CTPS2: variants seen among roughly 807,000 people sequenced by gnomAD.
CTPS2 encodes the protein CTP synthase 2, also known as CTP synthase II.
CTPS2 carries 19 observed loss-of-function variants against 46.8 expected under a neutral mutation model. The ratio of observed to expected loss-of-function variants is 0.41; its 90% CI spans 0.28 to 0.60. The LOEUF (loss-of-function observed/expected upper bound fraction) is 0.60, where lower values mean the gene tolerates loss of function less well. Among genes scored for constraint, CTPS2 ranks in the 20% least tolerant of loss-of-function variants. The pLI, the probability that CTPS2 is intolerant of heterozygous loss-of-function variation, is 0.35. For synonymous variants in CTPS2, 151 were observed against 165.2 expected (o/e 0.91, Z 0.66); for missense variants, 286 against 447.6 (o/e 0.64, Z 3.26).
chrX:16,678,421 G>T lies in CTPS2; in HGVS notation c.1035C>A (p.Ile345=), dbSNP rs1160657905. Residue 345 remains isoleucine, a synonymous_variant, in exon 10 of 19, where the codon ATC becomes ATA. Coordinates refer to ENST00000359276, the MANE Select transcript of CTPS2 (RefSeq NM_175859.3). ...ATTTCACAGGGTCCTCGGTTTCAGT[G>T]ATCTTCTCCAGATCAATGGAGTCTA... The part of the protein sequence containing the change: ...MYIDSIDLEK[I]TETEDPVKFH... 1.7e-6 allele frequency: 2 copies of T among 1,199,583 alleles called. No homozygotes were observed. The highest frequency in any genetic ancestry group is 2.3e-6 in the Non-Finnish European group (2 of 887,228).
chrX:16,637,473 C>A (rs185821543), intron 14 of CTPS2, among the ~76,000 whole-genome samples: 4 of 112,573 alleles, frequency 3.6e-5, no homozygotes, highest in East Asian at 2.8e-4. Context: ...CCGGCCACAG[C>A]CTCCCAAAGT....
rs759542755 is a variant in CTPS2, at chrX:16,663,933, T to C, written c.1296+3581A>G. Among the ~76,000 whole-genome samples the C allele has an allele frequency of 5.8e-3, 640 of 111,129 alleles. 4 individuals carry two copies. The highest frequency in any genetic ancestry group is 0.02 in the African/African-American group (607 of 30,568). ...TCACTGGAAGCTCTGCCTCCTGGGT[T>C]CACGCCATTCTCCTGCCTCAGCCTC... On this transcript the variant is annotated intron_variant, in intron 13 of 18. Transcript: ENST00000359276.
At chrX:16,649,618 A>G (rs1932501783) in intron 13 of CTPS2, among the ~76,000 whole-genome samples, 1 of 111,229 alleles carries the variant, frequency 9.0e-6, no homozygotes, top group African/African-American at 3.3e-5. Flanking sequence ...CAGCCTCTAC[A>G]GTAGCTGGGA....
At chrX:16,706,451 C>T (rs1203919473) in intron 1 of CTPS2, among the ~76,000 whole-genome samples, 5 of 110,447 alleles carry the variant, frequency 4.5e-5, no homozygotes, top group Admixed American at 2.9e-4. Flanking sequence ...TGGCCAGGTG[C>T]AATGGCTCAT....
rs927090020 is a variant in CTPS2 at position 16,621,460 on chromosome X, T to C, written c.1394-1128A>G. Among the ~76,000 whole-genome samples the C allele has an allele frequency of 4.5e-4, 48 of 106,705 alleles. 1 individual carries two copies. The highest frequency in any genetic ancestry group is 5.8e-5 in the Non-Finnish European group (3 of 51,968). 92.7% of individuals were successfully genotyped at this position (106,705 alleles called of 115,157 possible). A position where few individuals can be genotyped will look rare whatever the true frequency, so the allele number is the denominator to read the frequency against. ...AGAACTTAAAGTATAATAATAATAATAATAATAATAATAATAAAAAGAATG... is the reference window on the plus strand; with the variant it reads ...AGAACTTAAAGTATAATAATAATAACAATAATAATAATAATAAAAAGAATG... On this transcript the variant is annotated intron_variant, in intron 14 of 18. Transcript: ENST00000359276.
At position 16,702,744 on chromosome X, in the gene CTPS2, A is replaced by G; in HGVS notation, c.159T>C (p.Tyr53=). 1 of 1,210,668 alleles carries G rather than the reference A, an allele frequency of 8.3e-7. No homozygotes were observed. The highest frequency in any genetic ancestry group is 1.1e-6 in the Non-Finnish European group (1 of 894,501). ...INIDAGTFSP[Y]EHGEVFVLND... Reference sequence around the variant, plus strand: ...AGTGGTTCACTTTCGTACCGTGTTCATAAGGTGAAAAAGTGCCAGCATCGA... The same window carrying G: ...AGTGGTTCACTTTCGTACCGTGTTCGTAAGGTGAAAAAGTGCCAGCATCGA... Residue 53 remains tyrosine, a synonymous_variant, in exon 2 of 19, where the codon TAT becomes TAC. Coordinates refer to ENST00000359276, the MANE Select transcript of CTPS2 (RefSeq NM_175859.3).
intron 1 of CTPS2, among the ~76,000 whole-genome samples, chrX:16,709,502 T>C (rs758175358): frequency 3.3e-4 from 37 of 110,762 alleles, no homozygotes; most frequent in Non-Finnish European, 6.8e-4. Context: ...ATTGAATATA[T>C]TATTGACTAT....
At chrX:16,608,792 T>C (rs1335723307) in intron 17 of CTPS2, among the ~76,000 whole-genome samples, 1 of 111,412 alleles carries the variant, frequency 9.0e-6, no homozygotes, top group Non-Finnish European at 1.9e-5. Flanking sequence ...AAAGTCAAAT[T>C]ACTCAACTCG....
At chrX:16,682,309 A>G (rs1922810686) in intron 9 of CTPS2, among the ~76,000 whole-genome samples, 1 of 111,399 alleles carries the variant, frequency 9.0e-6, no homozygotes, top group Non-Finnish European at 1.9e-5. Context: ...ACGTGGTGAA[A>G]CCCCGTCTCT....
At chrX:16,657,839 T>C (rs1248471160) in intron 13 of CTPS2, among the ~76,000 whole-genome samples, 3 of 111,576 alleles carry the variant, frequency 2.7e-5, no homozygotes, top group African/African-American at 9.8e-5. Context: ...AGAAAATAAG[T>C]GTGGAAGTTT....
At chrX:16,651,041 G>A (rs1259653281) in intron 13 of CTPS2, 1 of 1,205,933 alleles carries the variant, frequency 8.3e-7, no homozygotes. Flanking sequence ...GAACTGAAGA[G>A]GATTTTTGAA....
chrX:16,613,254 T>A (rs1191347670), intron 16 of CTPS2, among the ~76,000 whole-genome samples: 2 of 112,145 alleles, frequency 1.8e-5, no homozygotes, highest in Middle Eastern at 4.6e-3. Flanking sequence ...TTTTACAGTA[T>A]CCTGCACACC....
chrX:16,689,373 C>T, intron 8 of CTPS2, 77 bp downstream of exon 8: 1 of 1,036,633 alleles, frequency 9.6e-7, no homozygotes. Flanking sequence ...CACACGCTTA[C>T]CCTTTCAAGT....
intron 3 of CTPS2, 28 bp from the exon 4 acceptor site, chrX:16,698,364 T>C: frequency 9.8e-7 from 1 of 1,024,902 alleles, no homozygotes. Flanking sequence ...AATACAAAAG[T>C]TTATTCCATG....
intron 1 of CTPS2, among the ~76,000 whole-genome samples, chrX:16,704,200 A>G (rs111734106): frequency 2.7e-5 from 3 of 111,642 alleles, no homozygotes; most frequent in African/African-American, 9.8e-5. Flanking sequence ...GGCCTCCCCA[A>G]GTGCTGGGAT....
intron 4 of CTPS2, among the ~76,000 whole-genome samples, chrX:16,697,646 G>C (rs1924227264): frequency 9.2e-6 from 1 of 108,732 alleles, no homozygotes; most frequent in African/African-American, 3.3e-5. Flanking sequence ...TTTTCGCCAT[G>C]TTGCCCAGGC....
intron 10 of CTPS2, among the ~76,000 whole-genome samples, chrX:16,676,977 T>C (rs1172863793): frequency 9.3e-6 from 1 of 107,275 alleles, no homozygotes; most frequent in African/African-American, 3.4e-5. Context: ...AAGAATTGCT[T>C]GAACCTGGGA....
At chrX:16,710,225 A>T in intron 1 of CTPS2, among the ~76,000 whole-genome samples, 1 of 112,449 alleles carries the variant, frequency 8.9e-6, no homozygotes, top group Non-Finnish European at 1.9e-5. Flanking sequence ...ACGCTACAAC[A>T]GAGAGGCCAA....
At chrX:16,695,712 C>A (rs975948516) in intron 4 of CTPS2, among the ~76,000 whole-genome samples, 2 of 109,315 alleles carry the variant, frequency 1.8e-5, no homozygotes, top group Non-Finnish European at 3.8e-5. Context: ...CCACCACGCC[C>A]GGCTAATTTT....
Sources: gnomAD v4.1 joint callset for allele counts (sites outside exome capture counted in the v4.1 genomes callset) on GRCh38, gnomAD v4.1.1 for gene constraint, MANE v1.5 for transcripts, NCBI Gene and HGNC (gene_info 2026-07-23, HGNC 2026-07-21) for gene names.